Variants in SEL1L observed in about 807,000 individuals in gnomAD.
The protein encoded by SEL1L is SEL1L adaptor subunit of SYVN1 ubiquitin ligase, also known as protein sel-1 homolog 1.
A neutral mutation model predicts 109.8 loss-of-function variants in SEL1L; 52 were observed. The ratio of observed to expected loss-of-function variants is 0.47; its 90% CI spans 0.38 to 0.60. The LOEUF (loss-of-function observed/expected upper bound fraction) is 0.60, where lower values mean the gene tolerates loss of function less well. Ranked by LOEUF, SEL1L falls within the 20% of genes least tolerant of loss-of-function variation. The pLI is 0.00. For synonymous variants in SEL1L, 373 were observed against 339.6 expected, an observed-to-expected ratio of 1.10 and a Z score of -1.08; for missense variants, 749 against 962.2, an observed-to-expected ratio of 0.78 and a Z score of 2.93.
chr14:81,500,223 A>T, intron 6 of SEL1L, among the ~76,000 whole-genome samples: 1 of 151,318 alleles, frequency 6.6e-6, no homozygotes, highest in Admixed American at 6.6e-5. Context: ...AATTAAATGT[A>T]ACTTTATTTT....
rs60125402 is a variant in SEL1L, at chr14:81,531,837, C to G, written c.70+1838G>C. Among the ~76,000 whole-genome samples the G allele has an allele frequency of 3.8e-3, 580 of 152,236 alleles. 2 individuals carry two copies. Among genetic ancestry groups the G allele is most frequent in the African/African-American group, 0.013 (551 of 41,518 alleles). Reference sequence around the variant, plus strand: ...GGATTACAGGTATGAGCTGGGCCCGCACAGGTGTTTTATGATATATGAACT... The same window carrying G: ...GGATTACAGGTATGAGCTGGGCCCGGACAGGTGTTTTATGATATATGAACT... On this transcript the variant is annotated intron_variant, in intron 1 of 20. Coordinates refer to ENST00000336735, the MANE Select transcript of SEL1L (RefSeq NM_005065.6).
Position 81,484,255 on chromosome 14 carries a change from A to G in SEL1L, c.2016T>C (p.Tyr672=). Residue 672 remains tyrosine, a synonymous_variant, in exon 19 of 21, where the codon TAT becomes TAC. Coordinates refer to ENST00000336735, the MANE Select transcript of SEL1L (RefSeq NM_005065.6). ...TAATGCCCAGTCCTTTCTCATGCAT[A>G]TATCCCAGATTAAACATAGCTTGTG... ...HSAQAMFNLG[Y]MHEKGLGIKQ... 6.2e-7 allele frequency: 1 copy of G among 1,613,922 alleles called. No homozygotes were observed.
intron 3 of SEL1L, among the ~76,000 whole-genome samples, chr14:81,510,476 C>CGA (rs1884420308): frequency 3.8e-5 from 3 of 78,372 alleles, no homozygotes; most frequent in Non-Finnish European, 7.0e-5. Context: ...ATGCTGATCT[C>CGA]TCTCTCTCTC....
intron 3 of SEL1L, among the ~76,000 whole-genome samples, chr14:81,511,367 A>C (rs1884470567): frequency 6.6e-6 from 1 of 152,230 alleles, no homozygotes; most frequent in African/African-American, 2.4e-5. Context: ...CAAACTTCAT[A>C]TTAATCAGGT....
At chr14:81,489,353 TTC>T in intron 13 of SEL1L, 39 bp from the exon 14 acceptor site, 1 of 1,540,126 alleles carries the variant, frequency 6.5e-7, no homozygotes, top group Non-Finnish European at 8.9e-7. Context: ...GTGAAAAGAA[TTC>T]ATTCAAAAAT....
intron 12 of SEL1L, among the ~76,000 whole-genome samples, chr14:81,490,735 T>C (rs1393885061): frequency 6.6e-6 from 1 of 152,164 alleles, no homozygotes; most frequent in Non-Finnish European, 1.5e-5. Context: ...ACCCTGTCTC[T>C]ACTAAAAATA....
intron 16 of SEL1L, among the ~76,000 whole-genome samples, chr14:81,486,970 C>CT (rs139733784): frequency 0.038 from 5,126 of 136,508 alleles, 273 homozygotes; most frequent in African/African-American, 0.12. Flanking sequence ...TTCTTTCTTT[C>CT]TTTTTTTTTT....
At chr14:81,499,343 T>C in intron 8 of SEL1L, 116 bp downstream of exon 8, 1 of 1,469,308 alleles carries the variant, frequency 6.8e-7, no homozygotes, top group Non-Finnish European at 9.0e-7. Context: ...TTCAACTGAA[T>C]ATTTGGTCTT....
chr14:81,498,373 A>ATT, intron 9 of SEL1L, 40 bp downstream of exon 9: 1 of 1,453,484 alleles, frequency 6.9e-7, no homozygotes, highest in Non-Finnish European at 9.5e-7. Flanking sequence ...AATTCCATTT[A>ATT]TTTTTTTTTC....
At position 81,530,450 on chromosome 14, in the gene SEL1L, C is replaced by A. The variant is rs549367475; in HGVS notation, c.71-2712G>T. Among the ~76,000 whole-genome samples, 7 of 152,268 alleles carry A rather than the reference C, an allele frequency of 4.6e-5. No homozygotes were observed. The East Asian group carries it at 9.6e-4, about 21-fold the overall frequency. ...ACAATATTTTAAGGAACGACCAAAA[C>A]AGTGAAATTAAACATCCTCTGCTGT... On this transcript the variant is annotated intron_variant, in intron 1 of 20. Coordinates refer to ENST00000336735, the MANE Select transcript of SEL1L (RefSeq NM_005065.6).
At chr14:81,486,583 C>T (rs1014236803) in intron 16 of SEL1L, 129 bp from the exon 17 acceptor site, 5 of 807,732 alleles carry the variant, frequency 6.2e-6, no homozygotes, top group African/African-American at 3.5e-5. Context: ...CTTTCTTGAA[C>T]AGACATAAAA....
intron 12 of SEL1L, among the ~76,000 whole-genome samples, 183 bp downstream of exon 12, chr14:81,492,297 A>T (rs1883571625): frequency 6.6e-6 from 1 of 152,192 alleles, no homozygotes; most frequent in Non-Finnish European, 1.5e-5. Context: ...GGCTGCAAAC[A>T]CTATGTTATA....
In SEL1L at chr14:81,474,245, A is replaced by G. The variant is rs1180481106; in HGVS notation, c.*2727T>C. ...ACTGAAACTTCAAACACAGAGACAG[A>G]AAAAAAAAAAAAAACCCACCAATGC... On this transcript the variant is annotated 3_prime_UTR_variant, in exon 21 of 21. Coordinates refer to ENST00000336735, the MANE Select transcript of SEL1L (RefSeq NM_005065.6). The G allele has an allele frequency of 8.3e-6, 1 of 120,908 alleles. No individual in the cohort carries two copies. Among genetic ancestry groups the G allele is most frequent in the Non-Finnish European group, 1.7e-5 (1 of 57,996 alleles). The allele number at this position is 120,908 out of a possible 1,614,324, so 7.5% of individuals were successfully genotyped here.
intron 13 of SEL1L, among the ~76,000 whole-genome samples, chr14:81,489,966 A>G (rs569917202): frequency 9.2e-5 from 14 of 152,356 alleles, no homozygotes; most frequent in African/African-American, 3.4e-4. Context: ...GTAAGTGTAC[A>G]TACTGAAGAC....
Position 81,472,556 on chromosome 14 carries a change from C to A in SEL1L, c.*4416G>T. ...CTAAATGTTACTGTGTGGTACGTGT[C>A]TCTGCAAGTCCTCTTAAAAAATTCC... On this transcript the variant is annotated 3_prime_UTR_variant, in exon 21 of 21. Transcript: ENST00000336735. The A allele has an allele frequency of 2.2e-6, 1 of 450,016 alleles. No homozygotes were observed. Among genetic ancestry groups the A allele is most frequent in the Admixed American group, 2.6e-5 (1 of 38,938 alleles). 27.9% of individuals were successfully genotyped at this position (450,016 alleles called of 1,614,324 possible). A position where few individuals can be genotyped will look rare whatever the true frequency, so the allele number is the denominator to read the frequency against.
At chr14:81,485,858 G>C (rs1903505570) in intron 17 of SEL1L, 112 bp from the exon 18 acceptor site, 2 of 853,006 alleles carry the variant, frequency 2.3e-6, no homozygotes, top group Non-Finnish European at 3.7e-6. Flanking sequence ...CAAGAATTAG[G>C]ATATAAAAAT....
At chr14:81,532,165 A>G (rs1024256948) in intron 1 of SEL1L, among the ~76,000 whole-genome samples, 1 of 152,244 alleles carries the variant, frequency 6.6e-6, no homozygotes, top group African/African-American at 2.4e-5. Context: ...GACAGACAGC[A>G]CAATTCCTAT....
intron 6 of SEL1L, 87 bp from the exon 7 acceptor site, chr14:81,499,749 G>T: frequency 1.0e-6 from 1 of 993,910 alleles, no homozygotes; most frequent in Non-Finnish European, 1.5e-6. Flanking sequence ...TATATACTAT[G>T]AAAAAATGCA....
chr14:81,507,920 G>A (rs1348162912), intron 3 of SEL1L, among the ~76,000 whole-genome samples: 3 of 152,182 alleles, frequency 2.0e-5, no homozygotes, highest in African/African-American at 7.2e-5. Context: ...CTTATTAGCT[G>A]TGCACTTTGA....
Sources: allele counts gnomAD v4.1 joint callset (sites outside exome capture counted in the v4.1 genomes callset), GRCh38; gene constraint gnomAD v4.1.1; transcripts MANE v1.5; gene names NCBI Gene and HGNC (gene_info 2026-07-23, HGNC 2026-07-21).